The following VAX2 variants were observed in gnomAD, a reference collection of about 807,000 sequenced individuals.
The protein encoded by VAX2 is ventral anterior homeobox 2.
Under a neutral mutation model 12.5 loss-of-function variants are expected in VAX2, and 8 were observed. The ratio of observed to expected loss-of-function variants is 0.64; its 90% CI spans 0.37 to 1.15. The LOEUF (loss-of-function observed/expected upper bound fraction) is 1.15, where lower values mean the gene tolerates loss of function less well. Ranked by LOEUF, VAX2 falls within the 50% of genes most tolerant of loss-of-function variation. VAX2 has a pLI of 0.01. For missense variants in VAX2, 476 were observed against 412.9 expected (o/e 1.15, Z -1.32); for synonymous variants, 183 against 187.6 (o/e 0.98, Z 0.20).
intron 1 of VAX2, among the ~76,000 whole-genome samples, chr2:70,919,486 T>A (rs1679399939): frequency 6.6e-6 from 1 of 151,734 alleles, no homozygotes; most frequent in Non-Finnish European, 1.5e-5. Flanking sequence ...GCCCAGGAGT[T>A]CAAAACCAGC....
intron 2 of VAX2, among the ~76,000 whole-genome samples, chr2:70,925,083 G>C (rs548284180): frequency 1.2e-3 from 176 of 152,344 alleles, no homozygotes; most frequent in African/African-American, 4.1e-3. Context: ...GAATGTTCTA[G>C]AAGTATCAGA....
intron 1 of VAX2, among the ~76,000 whole-genome samples, chr2:70,919,250 TAAAA>T (rs147492404): frequency 1.5e-5 from 2 of 134,654 alleles, no homozygotes; most frequent in Non-Finnish European, 3.3e-5. Flanking sequence ...AAAAAAAGAA[TAAAA>T]AAAAAAGACG....
chr2:70,928,502 C>T (rs897784321), intron 2 of VAX2, among the ~76,000 whole-genome samples: 2 of 152,170 alleles, frequency 1.3e-5, no homozygotes, highest in Non-Finnish European at 2.9e-5. Flanking sequence ...CCTCTGACTT[C>T]TCCTCTCCTA....
intron 1 of VAX2, among the ~76,000 whole-genome samples, chr2:70,918,150 G>A (rs1679349095): frequency 6.6e-6 from 1 of 152,204 alleles, no homozygotes; most frequent in East Asian, 1.9e-4. Flanking sequence ...GCTCTGCCCA[G>A]CAGCTTGGCA....
At position 70,921,067 on chromosome 2, in the gene VAX2, A is replaced by G. The variant is rs550382656; in HGVS notation, c.248-31A>G. The G allele has an allele frequency of 4.6e-6, 7 of 1,528,420 alleles. No homozygotes were observed. The African/African-American group carries it at 8.4e-5, about 18-fold the overall frequency. The allele number at this position is 1,528,420 out of a possible 1,614,324, so 94.7% of individuals were successfully genotyped here. Reference sequence around the variant, plus strand: ...GGTGATCTAACTCCCTAGCTAATGAACTAAGCTGGCTCCTTTCATGGCCTC... The same window carrying G: ...GGTGATCTAACTCCCTAGCTAATGAGCTAAGCTGGCTCCTTTCATGGCCTC... On this transcript the variant is annotated intron_variant, in intron 1 of 2. Transcript: ENST00000234392.
chr2:70,910,695 T>C (rs1679162194), intron 1 of VAX2, among the ~76,000 whole-genome samples: 1 of 151,946 alleles, frequency 6.6e-6, no homozygotes, highest in Non-Finnish European at 1.5e-5. Context: ...CTAATTGTTT[T>C]CTCATCTTCG....
At chr2:70,917,778 A>T (rs1365212887) in intron 1 of VAX2, among the ~76,000 whole-genome samples, 1 of 152,058 alleles carries the variant, frequency 6.6e-6, no homozygotes, top group Non-Finnish European at 1.5e-5. Flanking sequence ...ATAAAGAGGG[A>T]AGGATGGTTT....
At chr2:70,929,686 C>CAAA (rs59020150) in intron 2 of VAX2, among the ~76,000 whole-genome samples, 33,628 of 142,684 alleles carry the variant, frequency 0.24, 4,475 homozygotes, top group Non-Finnish European at 0.3. Flanking sequence ...GACTCCATCT[C>CAAA]AAAAAAAAAA....
Position 70,933,094 on chromosome 2 carries a change from C to T in VAX2, c.763C>T (p.Leu255Phe), listed in dbSNP as rs200750550. The change falls in exon 3 of 3, where the codon CTC (leucine) becomes TTC (phenylalanine). Residue 255 changes from leucine (L) to phenylalanine (F), a missense_variant. Physicochemically the swap from Leu to Phe is conservative, Grantham distance 22. Coordinates refer to ENST00000234392, the MANE Select transcript of VAX2 (RefSeq NM_012476.3). ...LPAVCFSSAPLLDLPAGYELG... is the reference protein window; with the variant it reads ...LPAVCFSSAPFLDLPAGYELG... ...AGCTGTCTGCTTTTCCTCGGCCCCG[C>T]TCCTGGATCTGCCTGCCGGCTACGA... 77 of 1,610,358 alleles carry T rather than the reference C, an allele frequency of 4.8e-5. No individual in the cohort carries two copies. In the East Asian group the frequency reaches 1.6e-3, roughly 33 times the overall value.
chr2:70,932,480 G>A (rs1241528388), intron 2 of VAX2, among the ~76,000 whole-genome samples: 5 of 152,026 alleles, frequency 3.3e-5, no homozygotes, highest in African/African-American at 7.3e-5. Context: ...TCTGTCTGTC[G>A]ATCCATTCCT....
At position 70,900,794 on chromosome 2, in the gene VAX2, G is replaced by A; in HGVS notation, c.173G>A (p.Arg58Lys). The change falls in exon 1 of 3, where the codon AGG (arginine) becomes AAG (lysine). Residue 58 changes from arginine to lysine, a missense_variant. Physicochemically the swap from Arg to Lys is conservative, Grantham distance 26. Transcript: ENST00000234392. ...GTSASSPAGS[R>K]ESGADSDGQP... ...TCAGCCTCCAGTCCCGCAGGCTCCA[G>A]GGAGAGTGGAGCCGACAGCGACGGG... 6.7e-7 allele frequency: 1 copy of A among 1,496,936 alleles called. No homozygotes were observed. The highest frequency in any genetic ancestry group is 8.9e-7 in the Non-Finnish European group (1 of 1,123,376). 92.7% of individuals were successfully genotyped at this position (1,496,936 alleles called of 1,614,324 possible).
intron 2 of VAX2, among the ~76,000 whole-genome samples, chr2:70,926,275 A>G (rs1187650945): frequency 3.3e-5 from 5 of 152,122 alleles, no homozygotes; most frequent in African/African-American, 1.2e-4. Context: ...CCCAGACTCC[A>G]TGGCTGTGCA....
chr2:70,913,860 G>A (rs1428187934), intron 1 of VAX2, among the ~76,000 whole-genome samples: 6 of 152,094 alleles, frequency 3.9e-5, no homozygotes, highest in Admixed American at 3.9e-4. Context: ...ATGTTGAATG[G>A]TTGAATATAT....
At chr2:70,909,350 TTTTC>T (rs1276044688) in intron 1 of VAX2, among the ~76,000 whole-genome samples, 64 of 152,034 alleles carry the variant, frequency 4.2e-4, no homozygotes, top group African/African-American at 1.5e-3. Context: ...TTTTTATTTA[TTTTC>T]TTTAATTTTT....
chr2:70,928,882 C>T (rs559571983), intron 2 of VAX2, among the ~76,000 whole-genome samples: 24 of 152,342 alleles, frequency 1.6e-4, no homozygotes, highest in Admixed American at 1.6e-3. Flanking sequence ...AATGGGTTTT[C>T]TTCTTTCATC....
Position 70,933,156 on chromosome 2 carries a change from A to G in VAX2, c.825A>G (p.Leu275=), listed in dbSNP as rs2234501. 24,882 of 1,552,666 alleles carry G rather than the reference A, an allele frequency of 0.016. 240 individuals are homozygous for G. The highest frequency in any genetic ancestry group is 0.02 in the South Asian group (1,588 of 80,348). ...GSSAFEPYSW[L]ERKVGSASSC... ...CGGCCTTCGAGCCATACAGCTGGCT[A>G]GAACGGAAAGTGGGCAGCGCCAGCA... Residue 275 remains leucine (L), a synonymous_variant, in exon 3 of 3, where the codon CTA becomes CTG. Coordinates refer to ENST00000234392, the MANE Select transcript of VAX2 (RefSeq NM_012476.3).
chr2:70,918,464 C>T lies in VAX2; in HGVS notation c.248-2634C>T, dbSNP rs529671876. Among the ~76,000 whole-genome samples, 6 of 152,320 alleles carry T rather than the reference C, an allele frequency of 3.9e-5. No homozygotes were observed. The South Asian group carries it at 1.2e-3, about 32-fold the overall frequency. Reference sequence around the variant, plus strand: ...ACCGTCCCTGTGGATCACAAGGAGCCTCCTGCCAGACAGCACATCCCGAAT... The same window carrying T: ...ACCGTCCCTGTGGATCACAAGGAGCTTCCTGCCAGACAGCACATCCCGAAT... On this transcript the variant is annotated intron_variant, in intron 1 of 2. Transcript: ENST00000234392.
intron 1 of VAX2, among the ~76,000 whole-genome samples, chr2:70,901,905 C>T (rs1553409844): frequency 6.6e-6 from 1 of 152,236 alleles, no homozygotes; most frequent in Non-Finnish European, 1.5e-5. Context: ...CTCCCCCAGG[C>T]TCCTTCCTGG....
chr2:70,900,882 C>A lies in VAX2; in HGVS notation c.247+14C>A. ...TACTGGTGCGAGGTAAGGGGACAGC[C>A]CGCGGCCCTGCTCCACTGGACCCTC... is the stretch of plus-strand genomic sequence containing the variant. On this transcript the variant is annotated intron_variant, in intron 1 of 2. Transcript: ENST00000234392. The A allele has an allele frequency of 7.2e-7, 1 of 1,388,362 alleles. No homozygotes were observed. 86.0% of individuals were successfully genotyped at this position (1,388,362 alleles called of 1,614,324 possible).
Sources: gnomAD v4.1 joint callset for allele counts (sites outside exome capture counted in the v4.1 genomes callset) on GRCh38, gnomAD v4.1.1 for gene constraint, MANE v1.5 for transcripts, NCBI Gene and HGNC (gene_info 2026-07-23, HGNC 2026-07-21) for gene names.